NTNG1: variants seen among roughly 807,000 people sequenced by gnomAD.
NTNG1 encodes the protein netrin-G1.
In NTNG1, 16 loss-of-function variants were observed where a neutral mutation model predicts 54.0. The observed-to-expected ratio is 0.30, with a 90% CI of 0.20 to 0.45. The LOEUF is 0.45. Ranked by LOEUF, NTNG1 falls within the 20% of genes least tolerant of loss-of-function variation. NTNG1 has a pLI of 1.00. For synonymous variants in NTNG1, 255 were observed against 263.1 expected (o/e 0.97, Z 0.30); for missense variants, 530 against 678.7 (o/e 0.78, Z 2.43).
intron 3 of NTNG1, among the ~76,000 whole-genome samples, chr1:107,333,740 A>G (rs1668414464): frequency 6.6e-6 from 1 of 151,756 alleles, no homozygotes. Context: ...TTTAGTTATC[A>G]TCCTTCCTAT....
intron 3 of NTNG1, among the ~76,000 whole-genome samples, chr1:107,359,379 C>G (rs999549365): frequency 2.6e-5 from 4 of 152,106 alleles, no homozygotes. Context: ...AACCCTATCA[C>G]AGACCAGTTA....
chr1:107,315,345 C>A (rs759378247), intron 2 of NTNG1, among the ~76,000 whole-genome samples: 4 of 152,136 alleles, frequency 2.6e-5, no homozygotes, highest in East Asian at 1.9e-4. Context: ...CTGCCTACCC[C>A]CTTAGGATCC....
intron 2 of NTNG1, among the ~76,000 whole-genome samples, chr1:107,309,216 G>T (rs1393791626): frequency 6.6e-6 from 1 of 152,120 alleles, no homozygotes; most frequent in Non-Finnish European, 1.5e-5. Flanking sequence ...TTAGGCTTCA[G>T]TGGAAATAGA....
At chr1:107,281,555 A>G (rs1452686463) in intron 2 of NTNG1, among the ~76,000 whole-genome samples, 7 of 152,154 alleles carry the variant, frequency 4.6e-5, no homozygotes, top group Non-Finnish European at 8.8e-5. Context: ...TGAGGAAATG[A>G]ACCAATCCTA....
At chr1:107,368,089 C>T (rs959604755) in intron 3 of NTNG1, among the ~76,000 whole-genome samples, 5 of 152,054 alleles carry the variant, frequency 3.3e-5, no homozygotes, top group African/African-American at 9.7e-5. Flanking sequence ...GCTGAAACAT[C>T]GATCCAACAC....
At chr1:107,372,021 G>A (rs189934661) in intron 3 of NTNG1, among the ~76,000 whole-genome samples, 4 of 152,094 alleles carry the variant, frequency 2.6e-5, no homozygotes, top group African/African-American at 7.2e-5. Flanking sequence ...TCAACTTGTA[G>A]TGTATCACCT....
rs903847482 is a variant in NTNG1 at position 107,148,294 on chromosome 1, G to T, written c.-300G>T. On this transcript the variant is annotated 5_prime_UTR_variant, in exon 2 of 8. The change creates a premature stop within an existing upstream ORF in the 5' untranslated region. Coordinates refer to ENST00000370068, the MANE Select transcript of NTNG1 (RefSeq NM_001113226.3). ...CTTTTACAAAAACCAAACTAGACCT[G>T]AGTCTAATAGATATGTTCTAAGACA... The T allele has an allele frequency of 3.9e-6, 1 of 254,540 alleles. No homozygotes were observed. Among genetic ancestry groups the T allele is most frequent in the Non-Finnish European group, 7.5e-6 (1 of 132,814 alleles). The allele number at this position is 254,540 out of a possible 1,614,324, so 15.8% of individuals were successfully genotyped here. A position where few individuals can be genotyped will look rare whatever the true frequency, so the allele number is the denominator to read the frequency against.
rs116770168 is a variant in NTNG1 at position 107,246,890 on chromosome 1, G to A, written c.247-77392G>A. 5.3e-3 allele frequency among the ~76,000 whole-genome samples: 808 copies of A among 152,088 alleles called. 17 individuals are homozygous for A. Among genetic ancestry groups the A allele is most frequent in the African/African-American group, 0.018 (767 of 41,510 alleles). ...ATGTAAATTGTAATAGCCATCGTAC[G>A]CTTCCTTTCTTGGTGAGAACTACAG... On this transcript the variant is annotated intron_variant, in intron 2 of 7. Transcript: ENST00000370068.
At chr1:107,395,842 A>G (rs565392871) in intron 4 of NTNG1, among the ~76,000 whole-genome samples, 1 of 152,296 alleles carries the variant, frequency 6.6e-6, no homozygotes, top group African/African-American at 2.4e-5. Context: ...AACTCCAGCA[A>G]TTGAAACATA....
At chr1:107,457,440 TC>T (rs1677017740) in intron 7 of NTNG1, among the ~76,000 whole-genome samples, 1 of 152,234 alleles carries the variant, frequency 6.6e-6, no homozygotes, top group Non-Finnish European at 1.5e-5. Context: ...TGAGCATTCA[TC>T]CAACACAGTT....
chr1:107,404,545 T>C (rs1350944272), intron 4 of NTNG1, among the ~76,000 whole-genome samples: 2 of 152,136 alleles, frequency 1.3e-5, no homozygotes, highest in Non-Finnish European at 1.5e-5. Context: ...TTCACAATGA[T>C]AGTAAGTTTC....
At chr1:107,327,440 A>G (rs1668026227) in intron 3 of NTNG1, among the ~76,000 whole-genome samples, 1 of 152,162 alleles carries the variant, frequency 6.6e-6, no homozygotes, top group Admixed American at 6.6e-5. Context: ...TGAAAGTTTC[A>G]GTAAGATTAA....
rs563319650 is a variant in NTNG1 at position 107,187,169 on chromosome 1, T to C, written c.246+38330T>C. Among the ~76,000 whole-genome samples the C allele has an allele frequency of 4.6e-5, 7 of 152,282 alleles. No individual in the cohort carries two copies. The East Asian group carries it at 1.2e-3, about 25-fold the overall frequency. On this transcript the variant is annotated intron_variant, in intron 2 of 7. Transcript: ENST00000370068. ...TCTTCGTTTTGCCTATTACTCTCTG[T>C]ATTTTTTTAAAAGAGTGTATTTATT...
chr1:107,420,982 T>C, intron 5 of NTNG1: 2 of 778,058 alleles, frequency 2.6e-6, no homozygotes, highest in Non-Finnish European at 4.4e-6. Flanking sequence ...AATAGTCTCT[T>C]AATTTAGGGC....
At chr1:107,196,882 A>T (rs183416897) in intron 2 of NTNG1, among the ~76,000 whole-genome samples, 162 of 151,900 alleles carry the variant, frequency 1.1e-3, no homozygotes, top group African/African-American at 3.6e-3. Context: ...CTCTAATGTC[A>T]TATTTTTCTA....
At chr1:107,277,134 C>G (rs1054522145) in intron 2 of NTNG1, among the ~76,000 whole-genome samples, 1 of 152,184 alleles carries the variant, frequency 6.6e-6, no homozygotes, top group African/African-American at 2.4e-5. Context: ...CGGGAATCTT[C>G]CAAAGATCGC....
intron 7 of NTNG1, among the ~76,000 whole-genome samples, chr1:107,479,774 A>T (rs1678573712): frequency 6.6e-6 from 1 of 152,230 alleles, no homozygotes; most frequent in Non-Finnish European, 1.5e-5. Context: ...GTTACATGAC[A>T]GGGTCTGTGA....
intron 5 of NTNG1, among the ~76,000 whole-genome samples, chr1:107,417,940 A>G (rs925163950): frequency 3.3e-5 from 5 of 152,070 alleles, no homozygotes; most frequent in African/African-American, 1.2e-4. Flanking sequence ...CTCTAGGAAC[A>G]TATTTTGAGG....
At chr1:107,256,479 AT>A (rs1161632527) in intron 2 of NTNG1, among the ~76,000 whole-genome samples, 44 of 152,228 alleles carry the variant, frequency 2.9e-4, no homozygotes, top group African/African-American at 9.4e-4. Flanking sequence ...AGAGCTCAAA[AT>A]TTTGTGAGAG....
Sources: allele counts gnomAD v4.1 joint callset (sites outside exome capture counted in the v4.1 genomes callset), GRCh38; gene constraint gnomAD v4.1.1; transcripts MANE v1.5; gene names NCBI Gene and HGNC (gene_info 2026-07-23, HGNC 2026-07-21).